The following PLCB4 variants were observed in gnomAD, a reference collection of about 807,000 sequenced individuals.
PLCB4 encodes 1-phosphatidylinositol 4,5-bisphosphate phosphodiesterase beta-4.
Under a neutral mutation model 178.8 loss-of-function variants are expected in PLCB4, and 77 were observed. That is an observed-to-expected ratio of 0.43 (90% CI 0.36 to 0.52). The LOEUF is 0.52. Ranked by LOEUF, PLCB4 falls within the 20% of genes least tolerant of loss-of-function variation. The pLI is 0.00. For synonymous variants in PLCB4, 496 were observed against 490.8 expected (o/e 1.01, Z -0.14); for missense variants, 1,024 against 1,453.4 (o/e 0.70, Z 4.80).
chr20:9,163,452 A>G (rs949852600), intron 2 of PLCB4, among the ~76,000 whole-genome samples: 5 of 152,116 alleles, frequency 3.3e-5, no homozygotes, highest in Non-Finnish European at 7.4e-5. Flanking sequence ...GGGAACAGAG[A>G]GGTTGAAGCC....
At position 9,385,122 on chromosome 20, in the gene PLCB4, G is replaced by A. The variant is rs1206760771; in HGVS notation, c.1064+711G>A. ...ACATGTTTCAGAGAGCACGGGGTTG[G>A]GGGTAAGATTATAGATTAACAGCAT... is the stretch of plus-strand genomic sequence containing the variant. On this transcript the variant is annotated intron_variant, in intron 14 of 39. Coordinates refer to ENST00000378473, the MANE Select transcript of PLCB4 (RefSeq NM_001377142.1). Among the ~76,000 whole-genome samples, 4 of 152,114 alleles carry A rather than the reference G, an allele frequency of 2.6e-5. No homozygotes were observed. The East Asian group carries it at 7.7e-4, about 29-fold the overall frequency.
At position 9,284,975 on chromosome 20, in the gene PLCB4, T is replaced by G. The variant is rs1274627489; in HGVS notation, c.-15-22825T>G. Among the ~76,000 whole-genome samples, 6 of 152,046 alleles carry G rather than the reference T, an allele frequency of 3.9e-5. No individual in the cohort carries two copies. In the South Asian group the frequency reaches 1.0e-3, roughly 26 times the overall value. ...TGCAATGGCCTTGATGTCACAGGACTATAAATGAGAGGATGCCCAGGGGAG... is the reference window on the plus strand; with the variant it reads ...TGCAATGGCCTTGATGTCACAGGACGATAAATGAGAGGATGCCCAGGGGAG... On this transcript the variant is annotated intron_variant, in intron 3 of 39. Transcript: ENST00000378473.
chr20:9,129,973 G>A (rs906790107), intron 2 of PLCB4, among the ~76,000 whole-genome samples: 1 of 151,838 alleles, frequency 6.6e-6, no homozygotes, highest in South Asian at 2.1e-4. Context: ...GGCTTCTCTT[G>A]GTTGTATCTA....
intron 4 of PLCB4, among the ~76,000 whole-genome samples, chr20:9,324,016 G>A (rs537001146): frequency 6.6e-6 from 1 of 152,000 alleles, no homozygotes; most frequent in Non-Finnish European, 1.5e-5. Context: ...TTGCCCTAAT[G>A]AATTGCTCAC....
intron 7 of PLCB4, among the ~76,000 whole-genome samples, chr20:9,354,078 C>T (rs898899231): frequency 6.6e-5 from 10 of 152,176 alleles, no homozygotes; most frequent in African/African-American, 2.4e-4. Context: ...TGGAAATCAC[C>T]AGCTCCTGAA....
At chr20:9,426,849 C>A (rs73250477) in intron 28 of PLCB4, among the ~76,000 whole-genome samples, 1 of 151,998 alleles carries the variant, frequency 6.6e-6, no homozygotes, top group African/African-American at 2.4e-5. Context: ...CTGAAGTTTT[C>A]TTCCTTGGCC....
At chr20:9,324,771 T>G (rs2147984810) in intron 4 of PLCB4, among the ~76,000 whole-genome samples, 1 of 152,200 alleles carries the variant, frequency 6.6e-6, no homozygotes, top group East Asian at 1.9e-4. Flanking sequence ...TAAGAGCCAG[T>G]GGGGACTATG....
chr20:9,126,629 C>T (rs1358338321), intron 2 of PLCB4, among the ~76,000 whole-genome samples: 1 of 152,150 alleles, frequency 6.6e-6, no homozygotes, highest in African/African-American at 2.4e-5. Context: ...ATAATTGCAT[C>T]ATTGCACAAG....
At chr20:9,310,719 A>T (rs975239032) in intron 4 of PLCB4, among the ~76,000 whole-genome samples, 6 of 151,574 alleles carry the variant, frequency 4.0e-5, no homozygotes, top group African/African-American at 1.5e-4. Flanking sequence ...CTCAAAAAAT[A>T]AAAAAAAATA....
At chr20:9,249,818 A>G (rs1257130140) in intron 3 of PLCB4, among the ~76,000 whole-genome samples, 1 of 152,130 alleles carries the variant, frequency 6.6e-6, no homozygotes, top group Non-Finnish European at 1.5e-5. Flanking sequence ...TCTCCTTTAT[A>G]ATTTAACCTA....
chr20:9,371,286 C>A lies in PLCB4; in HGVS notation c.576C>A (p.Pro192=). The A allele has an allele frequency of 6.3e-7, 1 of 1,586,498 alleles. No individual in the cohort carries two copies. Among genetic ancestry groups the A allele is most frequent in the Non-Finnish European group, 8.7e-7 (1 of 1,155,216 alleles). ...IFQALKELGL[P]SGKNDEIEPT... Reference sequence around the variant, plus strand: ...AAGCACTCAAGGAGTTAGGTCTTCCCAGTGGAAAGGTATGCATTAACTTAA... The same window carrying A: ...AAGCACTCAAGGAGTTAGGTCTTCCAAGTGGAAAGGTATGCATTAACTTAA... Residue 192 remains proline (P), a synonymous_variant, in exon 10 of 40, where the codon CCC becomes CCA. Transcript: ENST00000378473.
At chr20:9,244,365 C>T (rs1218404016) in intron 3 of PLCB4, among the ~76,000 whole-genome samples, 1 of 152,092 alleles carries the variant, frequency 6.6e-6, no homozygotes, top group East Asian at 1.9e-4. Flanking sequence ...CAATTTAGTT[C>T]TGCTAGTAAG....
Position 9,409,187 on chromosome 20 carries a change from A to C in PLCB4, c.1999+6A>C. ...ACTGAACTATCAAACCCCAGGTAGG[A>C]GCTGATGTCCAGTGACCCCAAATTC... On this transcript the variant is annotated splice_donor_region_variant and intron_variant, in intron 24 of 39. Transcript: ENST00000378473. 1.9e-6 allele frequency: 3 copies of C among 1,588,220 alleles called. No homozygotes were observed. Among genetic ancestry groups the C allele is most frequent in the Non-Finnish European group, 2.6e-6 (3 of 1,173,454 alleles).
chr20:9,250,027 A>G (rs1350792122), intron 3 of PLCB4, among the ~76,000 whole-genome samples: 1 of 152,198 alleles, frequency 6.6e-6, no homozygotes, highest in Non-Finnish European at 1.5e-5. Context: ...TATCAGCACT[A>G]CTCATAAGAG....
intron 4 of PLCB4, among the ~76,000 whole-genome samples, chr20:9,320,933 G>A (rs2094952930): frequency 6.6e-6 from 1 of 152,166 alleles, no homozygotes; most frequent in South Asian, 2.1e-4. Flanking sequence ...TTCTGATGAT[G>A]CAGCTCAAGT....
intron 2 of PLCB4, among the ~76,000 whole-genome samples, chr20:9,113,491 G>C (rs550851245): frequency 6.6e-5 from 10 of 152,254 alleles, no homozygotes; most frequent in African/African-American, 1.9e-4. Context: ...TTATAGGTGG[G>C]AAAATCCGAA....
intron 3 of PLCB4, among the ~76,000 whole-genome samples, chr20:9,269,307 T>A (rs2147607070): frequency 6.6e-6 from 1 of 152,328 alleles, no homozygotes; most frequent in South Asian, 2.1e-4. Context: ...AAGGATGGAA[T>A]GCTTTTGGTT....
intron 33 of PLCB4, 106 bp from the exon 34 acceptor site, chr20:9,457,308 A>G: frequency 1.4e-6 from 1 of 698,136 alleles, no homozygotes. Flanking sequence ...ATGACATCTC[A>G]TATTTGATGA....
At chr20:9,287,163 G>A (rs1279120786) in intron 3 of PLCB4, among the ~76,000 whole-genome samples, 1 of 151,954 alleles carries the variant, frequency 6.6e-6, no homozygotes, top group African/African-American at 2.4e-5. Flanking sequence ...ATCTGATTCT[G>A]TCAGATAAAC....
Sources: gnomAD v4.1 joint callset for allele counts (sites outside exome capture counted in the v4.1 genomes callset) on GRCh38, gnomAD v4.1.1 for gene constraint, MANE v1.5 for transcripts, NCBI Gene and HGNC (gene_info 2026-07-23, HGNC 2026-07-21) for gene names.